SYNM: variants seen among roughly 807,000 people sequenced by gnomAD.
The protein encoded by SYNM is synemin.
A neutral mutation model predicts 104.0 loss-of-function variants in SYNM; 95 were observed. That is an observed-to-expected ratio of 0.91 (90% CI 0.77 to 1.08). The LOEUF (loss-of-function observed/expected upper bound fraction) is 1.08, where lower values mean the gene tolerates loss of function less well. Ranked by LOEUF, SYNM falls within the 50% of genes least tolerant of loss-of-function variation. The pLI is 0.00. For synonymous variants in SYNM, 918 were observed against 869.0 expected (o/e 1.06, Z -0.99); for missense variants, 2,150 against 2,052.2 (o/e 1.05, Z -0.92).
chr15:99,107,928 T>TG (rs2067262595), intron 1 of SYNM, among the ~76,000 whole-genome samples: 2 of 56,246 alleles, frequency 3.6e-5, no homozygotes, highest in Non-Finnish European at 6.7e-5. Context: ...AAGGACCTGG[T>TG]TTTTTTTTTT....
chr15:99,139,100 A>C, downstream of SYNM: 1 of 666,816 alleles, frequency 1.5e-6, no homozygotes, highest in Non-Finnish European at 2.7e-6. Flanking sequence ...CATCCAGCAT[A>C]TATTTCTGAC....
intron 2 of SYNM, among the ~76,000 whole-genome samples, chr15:99,120,427 C>T (rs1555484409): frequency 6.6e-6 from 1 of 152,128 alleles, no homozygotes; most frequent in Non-Finnish European, 1.5e-5. Flanking sequence ...CAGGGGGAGG[C>T]CCTGAGGACT....
chr15:99,123,551 C>T (rs1337313968), intron 2 of SYNM, among the ~76,000 whole-genome samples: 2 of 152,234 alleles, frequency 1.3e-5, no homozygotes, highest in Non-Finnish European at 2.9e-5. Flanking sequence ...CACGGGCCCG[C>T]ATCTGGGGTG....
chr15:99,105,823 G>C lies in SYNM; in HGVS notation c.624G>C (p.Glu208Asp), dbSNP rs1262628092. ...TVQLYEDEVR[E>D]LEEALRRGQE... ...AGCTGTACGAGGACGAGGTGCGCGA[G>C]CTGGAGGAGGCGCTGCGGCGCGGCC... Residue 208 changes from glutamate to aspartate, a missense_variant, in exon 1 of 4, where the codon GAG (glutamate) becomes GAC (aspartate). Physicochemically the swap from Glu to Asp is conservative, Grantham distance 45. Coordinates refer to ENST00000336292, the MANE Select transcript of SYNM (RefSeq NM_145728.3). 2 of 1,542,632 alleles carry C rather than the reference G, an allele frequency of 1.3e-6. No individual in the cohort carries two copies. Among genetic ancestry groups the C allele is most frequent in the East Asian group, 2.5e-5 (1 of 40,650 alleles).
chr15:99,108,947 G>A (rs1323316682), intron 1 of SYNM, among the ~76,000 whole-genome samples: 1 of 152,206 alleles, frequency 6.6e-6, no homozygotes, highest in Admixed American at 6.5e-5. Flanking sequence ...TGGCTGAATA[G>A]TTTTGGCATT....
intron 2 of SYNM, among the ~76,000 whole-genome samples, chr15:99,114,538 C>G (rs1198269845): frequency 6.6e-6 from 1 of 151,986 alleles, no homozygotes; most frequent in Non-Finnish European, 1.5e-5. Flanking sequence ...TGATGCCACC[C>G]TGTGTGGGTT....
rs1295206104 is a variant in SYNM, at chr15:99,105,374, C to G, written c.175C>G (p.Arg59Gly). 3.3e-6 allele frequency: 5 copies of G among 1,522,954 alleles called. No individual in the cohort carries two copies. Among genetic ancestry groups the G allele is most frequent in the Non-Finnish European group, 4.4e-6 (5 of 1,140,454 alleles). The allele number at this position is 1,522,954 out of a possible 1,614,324, so 94.3% of individuals were successfully genotyped here. The change falls in exon 1 of 4, where the codon CGC becomes GGC. Residue 59 changes from arginine (R) to glycine (G), a missense_variant. By Grantham distance (125) the Arg-to-Gly change is moderately radical (BLOSUM62 -2). Transcript: ENST00000336292. The part of the protein sequence containing the change: ...REGLWAEGQA[R>G]CAEEARSLRQ... ...GGGCCTGTGGGCCGAGGGGCAGGCC[C>G]GCTGCGCCGAGGAGGCGCGCAGCTT...
chr15:99,123,092 T>G (rs1178835686), intron 2 of SYNM, among the ~76,000 whole-genome samples: 2 of 152,128 alleles, frequency 1.3e-5, no homozygotes, highest in African/African-American at 2.4e-5. Flanking sequence ...ACTTTCTGCT[T>G]CTTGATTAAT....
chr15:99,139,868 T>C, downstream of SYNM: 1 of 756,446 alleles, frequency 1.3e-6, no homozygotes, highest in Non-Finnish European at 1.9e-6. Context: ...AACCAAATAT[T>C]CAGCTTATGG....
At chr15:99,139,152 C>A (rs916641432), downstream of SYNM, 35 of 824,126 alleles carry the variant, frequency 4.2e-5, no homozygotes, top group Non-Finnish European at 3.8e-5. Context: ...CAAGGAAGAT[C>A]TTTTACAACT....
chr15:99,125,919 C>T (rs2067443298), intron 2 of SYNM, among the ~76,000 whole-genome samples: 1 of 152,238 alleles, frequency 6.6e-6, no homozygotes, highest in African/African-American at 2.4e-5. Context: ...GGACCACTCT[C>T]CTCAGCTCTG....
At chr15:99,138,101 C>G, downstream of SYNM, 3 of 1,613,142 alleles carry the variant, frequency 1.9e-6, no homozygotes, top group Non-Finnish European at 2.5e-6. Flanking sequence ...TGATGCCTGC[C>G]TTGGCTTCGA....
the SYNM span, among the ~76,000 whole-genome samples, chr15:99,141,734 G>C: frequency 6.6e-6 from 1 of 152,178 alleles, no homozygotes; most frequent in Non-Finnish European, 1.5e-5. Flanking sequence ...TTTATAAGCT[G>C]TGGAAACTAT....
chr15:99,111,654 C>T (rs1226267122), intron 1 of SYNM, among the ~76,000 whole-genome samples: 6 of 152,098 alleles, frequency 3.9e-5, no homozygotes, highest in African/African-American at 1.4e-4. Flanking sequence ...ACTTCAGGAC[C>T]CTTTATATTC....
rs2067520559 is a variant in SYNM, at chr15:99,132,442, G to A, written c.4082G>A (p.Gly1361Asp). 5.0e-6 allele frequency: 8 copies of A among 1,613,996 alleles called. No individual in the cohort carries two copies. In the South Asian group the frequency reaches 7.7e-5, roughly 16 times the overall value. Residue 1361 changes from glycine (G) to aspartate (D), a missense_variant, in exon 4 of 4, where the codon GGT becomes GAT. Physicochemically the swap from Gly to Asp is moderately conservative, Grantham distance 94. Coordinates refer to ENST00000336292, the MANE Select transcript of SYNM (RefSeq NM_145728.3). ...VHQATHSHTS[G>D]RQTVMTEKST... ...CAGGCCACTCACAGTCATACCTCGG[G>A]TAGACAAACCGTTATGACTGAAAAG...
Position 99,121,851 on chromosome 15 carries a change from G to A in SYNM, c.936-4871G>A, listed in dbSNP as rs1171883086. Among the ~76,000 whole-genome samples, 3 of 152,362 alleles carry A rather than the reference G, an allele frequency of 2.0e-5. 1 individual carries two copies. Among genetic ancestry groups the A allele is most frequent in the Middle Eastern group, 6.8e-3 (2 of 294 alleles). ...ACAGAAGGATGCAGAAACAGTGTGC[G>A]TGACATGAGGCCCATCCTAGGTTTC... is the stretch of plus-strand genomic sequence containing the variant. On this transcript the variant is annotated intron_variant, in intron 2 of 3. Transcript: ENST00000336292.
Position 99,105,545 on chromosome 15 carries a change from C to G in SYNM, c.346C>G (p.Gln116Glu). ...CCGCCTGGACGCCGAGCTGGGTGCGCAGCAGCGCGAGCTGCAGGAGGCGCT... is the reference window on the plus strand; with the variant it reads ...CCGCCTGGACGCCGAGCTGGGTGCGGAGCAGCGCGAGCTGCAGGAGGCGCT... Reference protein sequence around the residue: ...RGRLDAELGAQQRELQEALGA... With the variant: ...RGRLDAELGAEQRELQEALGA... Residue 116 changes from glutamine to glutamate, a missense_variant, in exon 1 of 4, where the codon CAG (glutamine) becomes GAG (glutamate). By Grantham distance (29) the Gln-to-Glu change is conservative. Coordinates refer to ENST00000336292, the MANE Select transcript of SYNM (RefSeq NM_145728.3). The G allele has an allele frequency of 8.2e-7, 1 of 1,215,038 alleles. No individual in the cohort carries two copies. Among genetic ancestry groups the G allele is most frequent in the Non-Finnish European group, 1.0e-6 (1 of 979,326 alleles). The allele number at this position is 1,215,038 out of a possible 1,614,324, so 75.3% of individuals were successfully genotyped here. A position where few individuals can be genotyped will look rare whatever the true frequency, so the allele number is the denominator to read the frequency against.
Position 99,130,503 on chromosome 15 carries a change from G to GT in SYNM, c.2144dup (p.Leu717AlafsTer69). The GT allele has an allele frequency of 1.9e-6, 3 of 1,613,948 alleles. No individual in the cohort carries two copies. The highest frequency in any genetic ancestry group is 2.5e-6 in the Non-Finnish European group (3 of 1,179,900). ...CCTTTTAAGCAAGGATATTAAGGAA[G>GT]TGGGGCTGAAAGGCAAGTCAGCCGA... On this transcript the variant is annotated frameshift_variant, in exon 4 of 4. Coordinates refer to ENST00000336292, the MANE Select transcript of SYNM (RefSeq NM_145728.3). LOFTEE classifies it high-confidence loss of function.
At position 99,130,077 on chromosome 15, in the gene SYNM, C is replaced by T. The variant is rs782728980; in HGVS notation, c.1717C>T (p.Arg573Ter). 14 of 1,613,530 alleles carry T rather than the reference C, an allele frequency of 8.7e-6. No individual in the cohort carries two copies. Among genetic ancestry groups the T allele is most frequent in the Admixed American group, 3.3e-5 (2 of 59,986 alleles). ...EKDSPKEKSV[R>*]EREVPISLEV... is the part of the protein sequence containing the mutation. The stretch of plus-strand genomic sequence containing the variant: ...GGACTCACCGAAGGAGAAGAGCGTG[C>T]GAGAGAGAGAGGTGCCGATTAGTCT... The change falls in exon 4 of 4, where the codon CGA becomes TGA. Residue 573 changes from arginine (R) to a stop codon, truncating the protein, a stop_gained. Transcript: ENST00000336292. LOFTEE classifies it high-confidence loss of function.
Sources: allele counts gnomAD v4.1 joint callset (sites outside exome capture counted in the v4.1 genomes callset), GRCh38; gene constraint gnomAD v4.1.1; transcripts MANE v1.5; gene names NCBI Gene and HGNC (gene_info 2026-07-23, HGNC 2026-07-21).